CHEK1: variants seen among roughly 807,000 people sequenced by gnomAD.
CHEK1 encodes checkpoint kinase 1.
CHEK1 carries 32 observed loss-of-function variants against 60.2 expected under a neutral mutation model. That is an observed-to-expected ratio of 0.53 (90% CI 0.40 to 0.71). The LOEUF is 0.71. Ranked by LOEUF, CHEK1 falls within the 30% of genes least tolerant of loss-of-function variation. The pLI is 0.00. For missense variants in CHEK1, 399 were observed against 564.6 expected, an observed-to-expected ratio of 0.71 and a Z score of 2.97; for synonymous variants, 179 against 187.2, an observed-to-expected ratio of 0.96 and a Z score of 0.36.
chr11:125,641,237 C>T (rs147096546), intron 8 of CHEK1, among the ~76,000 whole-genome samples: 20 of 152,224 alleles, frequency 1.3e-4, no homozygotes, highest in African/African-American at 4.8e-4. Flanking sequence ...ATCATGCCCT[C>T]CTCCTTTAAA....
In CHEK1 at chr11:125,655,275, G is replaced by A. The variant is rs767774825; in HGVS notation, c.1386G>A (p.Leu462=). 6.2e-7 allele frequency: 1 copy of A among 1,613,684 alleles called. No homozygotes were observed. Among genetic ancestry groups the A allele is most frequent in the Non-Finnish European group, 8.5e-7 (1 of 1,179,732 alleles). Residue 462 remains leucine, a synonymous_variant, in exon 13 of 13, where the codon CTG becomes CTA. Transcript: ENST00000438015. ...ACTTCCTGAAGATTAAAGGGAAGCT[G>A]ATTGATATTGTGAGCAGCCAGAAGA... is the stretch of plus-strand genomic sequence containing the variant. ...KRHFLKIKGK[L]IDIVSSQKIW... is the part of the protein sequence containing the mutation.
intron 7 of CHEK1, among the ~76,000 whole-genome samples, chr11:125,636,756 C>G (rs1941088538): frequency 6.6e-6 from 1 of 151,506 alleles, no homozygotes; most frequent in Non-Finnish European, 1.5e-5. Context: ...GACCTTTGCA[C>G]TTGTTACAAA....
chr11:125,640,298 T>C (rs1267786686), intron 8 of CHEK1, among the ~76,000 whole-genome samples: 1 of 152,102 alleles, frequency 6.6e-6, no homozygotes, highest in Non-Finnish European at 1.5e-5. Flanking sequence ...TCCCAGCACT[T>C]TGGGAGGCCA....
chr11:125,671,051 C>T (rs1942191421), intron 13 of CHEK1, among the ~76,000 whole-genome samples: 1 of 152,054 alleles, frequency 6.6e-6, no homozygotes, highest in Admixed American at 6.6e-5. Context: ...GGCCTATTGA[C>T]ATGAGCCATC....
At chr11:125,662,565 G>A (rs910629176) in intron 13 of CHEK1, among the ~76,000 whole-genome samples, 2 of 152,174 alleles carry the variant, frequency 1.3e-5, no homozygotes, top group Non-Finnish European at 2.9e-5. Flanking sequence ...CAGGTTGTTA[G>A]CCTGTATCAA....
chr11:125,635,941 T>C (rs1473291067), intron 7 of CHEK1: 1 of 154,370 alleles, frequency 6.5e-6, no homozygotes, highest in African/African-American at 2.4e-5. Context: ...TAGTATAGCT[T>C]ACTATAAATC....
intron 1 of CHEK1, 33 bp downstream of exon 1, chr11:125,626,045 T>C (rs1940582200): frequency 1.4e-6 from 1 of 690,214 alleles, no homozygotes; most frequent in African/African-American, 1.8e-5. Flanking sequence ...GTAGGGAAGG[T>C]TTCTAAAGAA....
intron 13 of CHEK1, chr11:125,671,499 G>A (rs1942202237): frequency 6.6e-6 from 1 of 152,248 alleles, no homozygotes; most frequent in South Asian, 2.1e-4. Flanking sequence ...GAGCTTGTTA[G>A]CAATATATTT....
At chr11:125,678,827 G>A (rs182252101), downstream of CHEK1, among the ~76,000 whole-genome samples, 30 of 151,564 alleles carry the variant, frequency 2.0e-4, no homozygotes, top group Non-Finnish European at 3.8e-4. Context: ...ACAAGTATGA[G>A]CCCACAAAAA....
Position 125,653,225 on chromosome 11 carries a change from G to GC in CHEK1, c.1234-521_1234-520insC, listed in dbSNP as rs1555074034. 1.3e-5 allele frequency among the ~76,000 whole-genome samples: 2 copies of GC among 151,736 alleles called. No individual in the cohort carries two copies. The highest frequency in any genetic ancestry group is 4.8e-5 in the African/African-American group (2 of 41,276). ...ATCTGTTTGCTTGGCTTTTTGTTTT[G>GC]TTTTTTTGAGACAGGGTCTCGCTCT... On this transcript the variant is annotated intron_variant, in intron 11 of 12. Transcript: ENST00000438015. This position sits in a 1 kb window ranked among gnomAD's most constrained non-coding sequence, Gnocchi z 4.3.
At chr11:125,637,567 T>C (rs773368879) in intron 8 of CHEK1, 23 bp downstream of exon 8, 2 of 1,544,726 alleles carry the variant, frequency 1.3e-6, no homozygotes, top group Admixed American at 3.7e-5. Flanking sequence ...AACTACAAGT[T>C]TGTTTGTTTT....
At chr11:125,672,493 G>A in intron 13 of CHEK1, 1 of 1,401,416 alleles carries the variant, frequency 7.1e-7, no homozygotes, top group Non-Finnish European at 9.8e-7. Context: ...GGCAGATGTG[G>A]TCAGTTGTTG....
chr11:125,655,398 C>G lies in CHEK1; in HGVS notation c.*78C>G. ...ATTATTCTTCCTAGAGAAGATTATC[C>G]TGTCCTGCAAACTGCAAATAGTAGT... On this transcript the variant is annotated 3_prime_UTR_variant, in exon 13 of 13. Transcript: ENST00000438015. The G allele has an allele frequency of 3.0e-6, 3 of 1,015,308 alleles. No homozygotes were observed. The South Asian group carries it at 4.5e-5, about 15-fold the overall frequency. The allele number at this position is 1,015,308 out of a possible 1,614,324, so 62.9% of individuals were successfully genotyped here. A position where few individuals can be genotyped will look rare whatever the true frequency, so the allele number is the denominator to read the frequency against.
intron 13 of CHEK1, among the ~76,000 whole-genome samples, chr11:125,669,991 T>C (rs1255080004): frequency 6.6e-6 from 1 of 152,232 alleles, no homozygotes; most frequent in Non-Finnish European, 1.5e-5. Flanking sequence ...ATCTTACATA[T>C]TATTTGTTAT....
intron 12 of CHEK1, among the ~76,000 whole-genome samples, chr11:125,654,318 A>G (rs1445238260): frequency 6.6e-6 from 1 of 152,180 alleles, no homozygotes; most frequent in Non-Finnish European, 1.5e-5. Flanking sequence ...TGACAATACA[A>G]GAGACTCTGT....
At chr11:125,649,248 A>G (rs896955282) in intron 11 of CHEK1, among the ~76,000 whole-genome samples, 1 of 152,122 alleles carries the variant, frequency 6.6e-6, no homozygotes, top group African/African-American at 2.4e-5. Context: ...ACTTAAAGGC[A>G]CGATCATAGT....
At chr11:125,669,380 T>A (rs751233441) in intron 13 of CHEK1, among the ~76,000 whole-genome samples, 50 of 152,222 alleles carry the variant, frequency 3.3e-4, no homozygotes, top group Admixed American at 1.4e-3. Context: ...TTGTTTCTGA[T>A]GAGAAATCAG....
At position 125,656,049 on chromosome 11, in the gene CHEK1, T is replaced by C. The variant is rs892998671; in HGVS notation, c.*729T>C. ...CCATATTTTAACCTTTTCAACTTAC[T>C]GGTGACCAAGCTTTTAGGTGATAAA... On this transcript the variant is annotated 3_prime_UTR_variant, in exon 13 of 13. Coordinates refer to ENST00000438015, the MANE Select transcript of CHEK1 (RefSeq NM_001114122.3). 4 of 212,442 alleles carry C rather than the reference T, an allele frequency of 1.9e-5. No homozygotes were observed. The highest frequency in any genetic ancestry group is 9.0e-5 in the African/African-American group (4 of 44,244). The allele number at this position is 212,442 out of a possible 1,614,324, so 13.2% of individuals were successfully genotyped here. A position where few individuals can be genotyped will look rare whatever the true frequency, so the allele number is the denominator to read the frequency against.
chr11:125,643,841 TG>T lies in CHEK1; in HGVS notation c.866del (p.Gly289AspfsTer15), dbSNP rs1276854477. ...TSGGVSESPS[G>X]FSKHIQSNLD... The stretch of plus-strand genomic sequence containing the variant: ...CAGGTGGTGTGTCAGAGTCTCCCAG[TG>T]GATTTTCTAAGCACATTCAATCCAA... On this transcript the variant is annotated frameshift_variant, in exon 9 of 13. Coordinates refer to ENST00000438015, the MANE Select transcript of CHEK1 (RefSeq NM_001114122.3). LOFTEE classifies it high-confidence loss of function. 6.2e-7 allele frequency: 1 copy of T among 1,614,174 alleles called. No homozygotes were observed.
Sources: gnomAD v4.1 joint callset for allele counts (sites outside exome capture counted in the v4.1 genomes callset) on GRCh38, gnomAD v4.1.1 for gene constraint, Gnocchi (gnomAD v3.1) non-coding constraint, MANE v1.5 for transcripts, NCBI Gene and HGNC (gene_info 2026-07-23, HGNC 2026-07-21) for gene names.